HNF4G: variants seen among roughly 807,000 people sequenced by gnomAD.
The protein encoded by HNF4G is hepatocyte nuclear factor 4-gamma.
A neutral mutation model predicts 50.9 loss-of-function variants in HNF4G; 21 were observed. The ratio of observed to expected loss-of-function variants is 0.41; its 90% CI spans 0.29 to 0.59. HNF4G has a LOEUF of 0.59. HNF4G is among the 20% of genes least tolerant of loss of function. The pLI is 0.26. For missense variants in HNF4G, 527 were observed against 559.4 expected (o/e 0.94, Z 0.58); for synonymous variants, 198 against 185.6 (o/e 1.07, Z -0.54).
chr8:75,530,530 A>C (rs1563542954), intron 2 of HNF4G, among the ~76,000 whole-genome samples: 2 of 152,160 alleles, frequency 1.3e-5, no homozygotes, highest in Non-Finnish European at 2.9e-5. Context: ...GAATTTCTGC[A>C]GCTGGTTGAT....
At chr8:75,514,354 C>CTTTTTTTTTTTT (rs36078375) in intron 2 of HNF4G, among the ~76,000 whole-genome samples, 1 of 125,034 alleles carries the variant, frequency 8.0e-6, no homozygotes, top group Non-Finnish European at 1.6e-5. Context: ...TTTCTTCTTT[C>CTTTTTTTTTTTT]TTTTTTTTTT....
At chr8:75,543,535 A>G (rs1190520321) in intron 1 of HNF4G, among the ~76,000 whole-genome samples, 2 of 152,208 alleles carry the variant, frequency 1.3e-5, no homozygotes, top group Admixed American at 6.5e-5. Flanking sequence ...TATTCATCCT[A>G]CAGCTAATAT....
In HNF4G at chr8:75,560,459, C is replaced by A. The variant is rs780625898; in HGVS notation, c.1239C>A (p.Asp413Glu). ...LGPMSTLVHA[D>E]QISTPETPLP... is the part of the protein sequence containing the mutation. ...CCATGTCAACACTGGTTCATGCAGACCAGATCTGTAAGTTTATAGACTACT... is the reference window on the plus strand; with the variant it reads ...CCATGTCAACACTGGTTCATGCAGAACAGATCTGTAAGTTTATAGACTACT... The change falls in exon 9 of 10, where the codon GAC (aspartate) becomes GAA (glutamate). Residue 413 changes from aspartate (D) to glutamate (E), a missense_variant. Around this residue, in one of 5 missense-constraint regions of HNF4G, gnomAD observed 308 missense variants for 301.5 expected, o/e 1.02. Coordinates refer to ENST00000396423, the MANE Select transcript of HNF4G (RefSeq NM_004133.5). 1.2e-6 allele frequency: 2 copies of A among 1,610,672 alleles called. No homozygotes were observed. Among genetic ancestry groups the A allele is most frequent in the Non-Finnish European group, 1.7e-6 (2 of 1,178,488 alleles).
chr8:75,487,445 A>T (rs1173044260), intron 1 of HNF4G, among the ~76,000 whole-genome samples: 1 of 152,072 alleles, frequency 6.6e-6, no homozygotes, highest in South Asian at 2.1e-4. Flanking sequence ...CAAATCTGAA[A>T]TTTTCTGTCT....
intron 2 of HNF4G, among the ~76,000 whole-genome samples, chr8:75,530,028 T>C (rs913127094): frequency 6.6e-6 from 1 of 152,096 alleles, no homozygotes; most frequent in African/African-American, 2.4e-5. Context: ...TTCCCTGCTC[T>C]AGATGTGAAC....
chr8:75,466,663 C>T (rs1811995609), intron 1 of HNF4G, among the ~76,000 whole-genome samples: 1 of 136,396 alleles, frequency 7.3e-6, no homozygotes, highest in South Asian at 2.6e-4. Context: ...CCCTTCCCTT[C>T]CCTTCCCTTC....
chr8:75,443,445 C>G (rs912722875), intron 1 of HNF4G, among the ~76,000 whole-genome samples: 1 of 152,062 alleles, frequency 6.6e-6, no homozygotes, highest in Admixed American at 6.5e-5. Context: ...AAAAGGATAA[C>G]AAGTTATACG....
At chr8:75,560,566 A>C in intron 9 of HNF4G, 100 bp downstream of exon 9, 1 of 1,156,406 alleles carries the variant, frequency 8.6e-7, no homozygotes, top group Non-Finnish European at 1.2e-6. Context: ...AATGGCAAAA[A>C]CTTGGTGTAA....
chr8:75,470,606 C>T (rs991732873), intron 1 of HNF4G, among the ~76,000 whole-genome samples: 9 of 151,974 alleles, frequency 5.9e-5, no homozygotes, highest in African/African-American at 1.2e-4. Context: ...TTATTAAGTC[C>T]GAAATAATTC....
intron 2 of HNF4G, among the ~76,000 whole-genome samples, chr8:75,533,728 C>A (rs1806389809): frequency 6.6e-6 from 1 of 151,774 alleles, no homozygotes; most frequent in South Asian, 2.1e-4. Context: ...CAGTTATACA[C>A]CTACCTCTAT....
At chr8:75,482,993 A>C (rs923660394) in intron 1 of HNF4G, among the ~76,000 whole-genome samples, 1 of 152,188 alleles carries the variant, frequency 6.6e-6, no homozygotes, top group East Asian at 1.9e-4. Context: ...ACTAAATAAC[A>C]GAGTAATCAG....
chr8:75,468,680 C>T (rs749251459), intron 1 of HNF4G, among the ~76,000 whole-genome samples: 5 of 151,176 alleles, frequency 3.3e-5, no homozygotes, highest in African/African-American at 9.7e-5. Context: ...GGTGACAGAG[C>T]GAGACTCCAT....
rs150622837 is a variant in HNF4G at position 75,490,872 on chromosome 8, C to A, written c.-24+664C>A. On this transcript the variant is annotated intron_variant, in intron 2 of 10. Coordinates refer to the HNF4G transcript ENST00000354370. ...CACATATAAAATACTCAATAGAAAA[C>A]GTCTTCGCTTAATAATTTGCATTTT... 2.6e-5 allele frequency among the ~76,000 whole-genome samples: 4 copies of A among 152,250 alleles called. No individual in the cohort carries two copies. In the South Asian group the frequency reaches 8.3e-4, roughly 32 times the overall value.
chr8:75,502,537 T>G (rs189423561), intron 2 of HNF4G, among the ~76,000 whole-genome samples: 10 of 152,258 alleles, frequency 6.6e-5, no homozygotes, highest in Admixed American at 3.3e-4. Context: ...AAAAGTAAGC[T>G]TTTAAACATA....
Position 75,564,293 on chromosome 8 carries a change from T to A in HNF4G, c.*197T>A, listed in dbSNP as rs560370097. 4 of 533,542 alleles carry A rather than the reference T, an allele frequency of 7.5e-6. No individual in the cohort carries two copies. The South Asian group carries it at 1.1e-4, about 14-fold the overall frequency. 33.1% of individuals were successfully genotyped at this position (533,542 alleles called of 1,614,324 possible). On this transcript the variant is annotated 3_prime_UTR_variant, in exon 10 of 10. Transcript: ENST00000396423. Reference sequence around the variant, plus strand: ...ATGTAAAACTTTCACATGCAACCAATGTATATCTGAGTTTGAAGATGTTTA... The same window carrying A: ...ATGTAAAACTTTCACATGCAACCAAAGTATATCTGAGTTTGAAGATGTTTA...
At chr8:75,518,955 T>C (rs760555746) in intron 2 of HNF4G, among the ~76,000 whole-genome samples, 7 of 152,218 alleles carry the variant, frequency 4.6e-5, no homozygotes, top group Non-Finnish European at 8.8e-5. Context: ...TTCTGAACTT[T>C]TATGCTCTGC....
intron 2 of HNF4G, among the ~76,000 whole-genome samples, chr8:75,518,243 G>GT (rs1345740426): frequency 6.7e-6 from 1 of 149,116 alleles, no homozygotes; most frequent in Non-Finnish European, 1.5e-5. Flanking sequence ...GTGGTGTTTG[G>GT]TTTTTTTGTC....
intron 1 of HNF4G, among the ~76,000 whole-genome samples, chr8:75,438,895 T>C (rs186359598): frequency 6.6e-6 from 1 of 152,090 alleles, no homozygotes; most frequent in Non-Finnish European, 1.5e-5. Flanking sequence ...TATATGCTTT[T>C]CTTTTTCCTT....
chr8:75,440,897 G>A (rs1811264207), intron 1 of HNF4G, among the ~76,000 whole-genome samples: 2 of 151,780 alleles, frequency 1.3e-5, no homozygotes, highest in South Asian at 4.2e-4. Context: ...TTGCTATATT[G>A]CCCAGGCTGG....
Sources: allele counts gnomAD v4.1 joint callset (sites outside exome capture counted in the v4.1 genomes callset), GRCh38; gene constraint gnomAD v4.1.1; regional missense constraint gnomAD v4.1.1; transcripts MANE v1.5; gene names NCBI Gene and HGNC (gene_info 2026-07-23, HGNC 2026-07-21).